Variants in ADAM2 observed in about 807,000 individuals in gnomAD.
The protein encoded by ADAM2 is disintegrin and metalloproteinase domain-containing protein 2.
A neutral mutation model predicts 99.3 loss-of-function variants in ADAM2; 101 were observed. That is an observed-to-expected ratio of 1.02 (90% CI 0.87 to 1.20). The LOEUF (loss-of-function observed/expected upper bound fraction) is 1.20. Among genes scored for constraint, ADAM2 ranks in the 50% most tolerant of loss-of-function variants. ADAM2 has a pLI of 0.00. For missense variants in ADAM2, 948 were observed against 878.7 expected (o/e 1.08, Z -1.00); for synonymous variants, 323 against 287.6 (o/e 1.12, Z -1.25).
At chr8:39,797,950 G>A (rs10101602) in intron 7 of ADAM2, among the ~76,000 whole-genome samples, 2,533 of 152,256 alleles carry the variant, frequency 0.017, 53 homozygotes, top group African/African-American at 0.057. Context: ...GGCTTAGATG[G>A]TGGGGTTTTC....
At chr8:39,786,607 T>C (rs1011010968) in intron 10 of ADAM2, among the ~76,000 whole-genome samples, 1 of 152,162 alleles carries the variant, frequency 6.6e-6, no homozygotes, top group Non-Finnish European at 1.5e-5. Flanking sequence ...AAATGTTTTA[T>C]TTTAATCTGG....
In ADAM2 at chr8:39,744,711, T is replaced by C. The variant is rs553387711; in HGVS notation, c.*30+119A>G. ...TGGGGCTTAAAACCTAGATGACGGG[T>C]TGATAGGTGCAGCAAACCACCATGG... On this transcript the variant is annotated intron_variant, in intron 20 of 20. Transcript: ENST00000265708. 1.9e-5 allele frequency: 11 copies of C among 584,888 alleles called. No individual in the cohort carries two copies. The African/African-American group carries it at 1.9e-4, about 10-fold the overall frequency. The allele number at this position is 584,888 out of a possible 1,614,324, so 36.2% of individuals were successfully genotyped here.
chr8:39,766,696 C>G (rs1383920684), intron 14 of ADAM2, 152 bp downstream of exon 14: 5 of 643,424 alleles, frequency 7.8e-6, no homozygotes, highest in Non-Finnish European at 1.2e-5. Flanking sequence ...GCGTGAGCCA[C>G]CGCGCCTGGC....
intron 16 of ADAM2, 108 bp downstream of exon 16, chr8:39,755,620 G>A (rs1802117878): frequency 2.6e-6 from 2 of 771,110 alleles, no homozygotes; most frequent in East Asian, 5.9e-5. Context: ...GTTGCAGTGA[G>A]CAGAGATCAC....
intron 10 of ADAM2, among the ~76,000 whole-genome samples, chr8:39,785,605 G>T (rs1803434152): frequency 6.6e-6 from 1 of 152,106 alleles, no homozygotes; most frequent in African/African-American, 2.4e-5. Context: ...AGACCAGCCT[G>T]GCCAATGTGG....
intron 6 of ADAM2, among the ~76,000 whole-genome samples, chr8:39,819,515 T>G (rs1484770671): frequency 6.6e-6 from 1 of 152,132 alleles, no homozygotes; most frequent in Non-Finnish European, 1.5e-5. Context: ...TTAGCCTGGA[T>G]GCCTCTGTGA....
intron 7 of ADAM2, among the ~76,000 whole-genome samples, chr8:39,805,319 G>A (rs1395767210): frequency 2.6e-5 from 4 of 152,094 alleles, no homozygotes; most frequent in Non-Finnish European, 5.9e-5. Context: ...GGGATCTAAA[G>A]GTGACTATGA....
At chr8:39,811,469 A>C (rs1200320974) in intron 6 of ADAM2, among the ~76,000 whole-genome samples, 1 of 152,220 alleles carries the variant, frequency 6.6e-6, no homozygotes, top group Admixed American at 6.5e-5. Flanking sequence ...GGGCAGACAC[A>C]ACAAAAAAAG....
chr8:39,824,219 G>T (rs192858982), intron 4 of ADAM2, among the ~76,000 whole-genome samples: 1 of 148,076 alleles, frequency 6.8e-6, no homozygotes, highest in African/African-American at 2.5e-5. Flanking sequence ...GGAGGCGGAG[G>T]TTGCGGTGAG....
At chr8:39,833,263 T>C (rs1218386640) in intron 3 of ADAM2, among the ~76,000 whole-genome samples, 1 of 152,138 alleles carries the variant, frequency 6.6e-6, no homozygotes, top group Non-Finnish European at 1.5e-5. Context: ...GAAAACATTT[T>C]CCAAAATTTA....
chr8:39,795,510 A>G (rs2129585939), intron 7 of ADAM2, among the ~76,000 whole-genome samples: 1 of 152,236 alleles, frequency 6.6e-6, no homozygotes, highest in East Asian at 1.9e-4. Context: ...TAACTCCTTC[A>G]ATCATTTAAC....
In ADAM2 at chr8:39,821,134, T is replaced by C. The variant is rs1200628238; in HGVS notation, c.381A>G (p.Ile127Met). Residue 127 changes from isoleucine (I) to methionine (M), a missense_variant, in exon 6 of 21, where the codon ATA (isoleucine) becomes ATG (methionine). Coordinates refer to ENST00000265708, the MANE Select transcript of ADAM2 (RefSeq NM_001464.5). ...AGCCAACTGAAGACTCCAGGGGTTC[T>C]ATTCCATAACTAACATTTTCAAACT... is the stretch of plus-strand genomic sequence containing the variant. ...VLQFENVSYGIEPLESSVGFE... is the reference protein window; with the variant it reads ...VLQFENVSYGMEPLESSVGFE... The C allele has an allele frequency of 1.2e-6, 2 of 1,606,670 alleles. No homozygotes were observed. The highest frequency in any genetic ancestry group is 1.1e-5 in the South Asian group (1 of 89,392).
intron 6 of ADAM2, among the ~76,000 whole-genome samples, chr8:39,811,775 T>G (rs1027106823): frequency 2.6e-5 from 4 of 152,272 alleles, no homozygotes; most frequent in African/African-American, 9.6e-5. Context: ...ATGGGACGTA[T>G]CTCAAAATAA....
chr8:39,761,217 G>GT lies in ADAM2; in HGVS notation c.1571dup (p.Asn524LysfsTer6). On this transcript the variant is annotated frameshift_variant, in exon 15 of 21. Coordinates refer to ENST00000265708, the MANE Select transcript of ADAM2 (RefSeq NM_001464.5). LOFTEE classifies it high-confidence loss of function. ...TGTATCCTGAATCACTTATACCACA[G>GT]TTTCCAGATACATCAGTCTTTGAAT... 6.2e-7 allele frequency: 1 copy of GT among 1,604,254 alleles called. No individual in the cohort carries two copies. The highest frequency in any genetic ancestry group is 8.5e-7 in the Non-Finnish European group (1 of 1,174,608).
At chr8:39,807,442 G>A (rs1342581884) in intron 7 of ADAM2, among the ~76,000 whole-genome samples, 1 of 152,184 alleles carries the variant, frequency 6.6e-6, no homozygotes. Flanking sequence ...CGAATATGGG[G>A]AAGTGAGGGC....
At position 39,746,543 on chromosome 8, in the gene ADAM2, T is replaced by C; in HGVS notation, c.2103A>G (p.Val701=). 1 of 1,606,540 alleles carries C rather than the reference T, an allele frequency of 6.2e-7. No individual in the cohort carries two copies. Among genetic ancestry groups the C allele is most frequent in the South Asian group, 1.1e-5 (1 of 89,622 alleles). Reference sequence around the variant, plus strand: ...TAACTTTCACCATTATAGCAATCAGTACACAGAAAATAATAAAGAAAGGAA... The same window carrying C: ...TAACTTTCACCATTATAGCAATCAGCACACAGAAAATAATAAAGAAAGGAA... ...LFIPFFIIFC[V]LIAIMVKVNF... is the part of the protein sequence containing the mutation. Residue 701 remains valine (V), a synonymous_variant, in exon 19 of 21, where the codon GTA becomes GTG. Transcript: ENST00000265708.
At chr8:39,759,176 A>G (rs533455503) in intron 15 of ADAM2, among the ~76,000 whole-genome samples, 1 of 152,278 alleles carries the variant, frequency 6.6e-6, no homozygotes, top group South Asian at 2.1e-4. Flanking sequence ...CATTTAACCT[A>G]AAATGTCCAA....
chr8:39,787,118 GAC>G, intron 9 of ADAM2, 63 bp from the exon 10 acceptor site: 2 of 1,019,054 alleles, frequency 2.0e-6, no homozygotes, highest in Non-Finnish European at 1.4e-6. Context: ...ATTTTTATAA[GAC>G]AAATTTTACA....
intron 6 of ADAM2, among the ~76,000 whole-genome samples, chr8:39,810,752 A>G (rs1403675460): frequency 1.3e-5 from 2 of 152,218 alleles, no homozygotes; most frequent in Non-Finnish European, 2.9e-5. Flanking sequence ...CAAAGACACA[A>G]CATACCAGAA....
Sources: gnomAD v4.1 joint callset for allele counts (sites outside exome capture counted in the v4.1 genomes callset) on GRCh38, gnomAD v4.1.1 for gene constraint, MANE v1.5 for transcripts, NCBI Gene and HGNC (gene_info 2026-07-23, HGNC 2026-07-21) for gene names.